ZDHHC19: variants seen among roughly 807,000 people sequenced by gnomAD.
ZDHHC19 encodes palmitoyltransferase ZDHHC19.
In ZDHHC19, 30 loss-of-function variants were observed where a neutral mutation model predicts 33.9. That is an observed-to-expected ratio of 0.88 (90% CI 0.66 to 1.20). ZDHHC19 has a LOEUF of 1.20. ZDHHC19 is among the 50% of genes most tolerant of loss of function. The pLI is 0.00. For synonymous variants in ZDHHC19, 178 were observed against 167.6 expected (o/e 1.06, Z -0.48); for missense variants, 364 against 401.1 (o/e 0.91, Z 0.79).
chr3:196,202,329 G>GAA (rs374440183), intron 5 of ZDHHC19: 3 of 145,946 alleles, frequency 2.1e-5, no homozygotes, highest in African/African-American at 2.5e-5. Flanking sequence ...TCTCAAAAAG[G>GAA]AAAAAAAAAA....
chr3:196,201,813 T>C (rs180742802), intron 5 of ZDHHC19, among the ~76,000 whole-genome samples: 30 of 152,308 alleles, frequency 2.0e-4, no homozygotes, highest in Admixed American at 1.5e-3. Flanking sequence ...GCTCCGATTC[T>C]GTGTCTGAAA....
intron 5 of ZDHHC19, among the ~76,000 whole-genome samples, chr3:196,200,369 T>TA (rs1405033108): frequency 6.9e-6 from 1 of 145,314 alleles, no homozygotes; most frequent in Non-Finnish European, 1.5e-5. Flanking sequence ...ATTTTTTTTT[T>TA]TTTGAGATGG....
At position 196,208,471 on chromosome 3, in the gene ZDHHC19, G is replaced by C; in HGVS notation, c.498C>G (p.Leu166=). The C allele has an allele frequency of 1.2e-6, 2 of 1,614,202 alleles. No individual in the cohort carries two copies. The highest frequency in any genetic ancestry group is 1.7e-6 in the Non-Finnish European group (2 of 1,180,020). ...AGGTGACCAGCATGGCGCCCGAGTA[G>C]AGGCACAGGGACAGGACAAGCAGCA... is the stretch of plus-strand genomic sequence containing the variant. The part of the protein sequence containing the change: ...FFMLLVLSLC[L]YSGAMLVTCL... The change falls in exon 4 of 8, where the codon CTC becomes CTG. Residue 166 remains leucine (L), a synonymous_variant. Coordinates refer to ENST00000296326, the MANE Select transcript of ZDHHC19 (RefSeq NM_001039617.2).
At chr3:196,210,872 G>T in intron 1 of ZDHHC19, 135 bp from the exon 2 acceptor site, 1 of 1,350,822 alleles carries the variant, frequency 7.4e-7, no homozygotes, top group Non-Finnish European at 9.9e-7. Flanking sequence ...TACCCAGGCA[G>T]ACTCATAATG....
At chr3:196,210,291 AAG>A (rs1560142476) in intron 2 of ZDHHC19, among the ~76,000 whole-genome samples, 6 of 148,760 alleles carry the variant, frequency 4.0e-5, no homozygotes, top group African/African-American at 1.0e-4. Context: ...AGAAAGAAGG[AAG>A]GAAGGAAAGA....
intron 1 of ZDHHC19, among the ~76,000 whole-genome samples, chr3:196,210,946 G>A (rs1723252849): frequency 6.6e-6 from 1 of 151,804 alleles, no homozygotes; most frequent in Admixed American, 6.5e-5. Context: ...AGGCACCCTT[G>A]ACCTCTGCGC....
rs1722970567 is a variant in ZDHHC19, at chr3:196,208,549, G to A, written c.420C>T (p.His140=). ...WCNICVEDFD[H]HCKWVNNCIG... ...TGCAGTTATTGACCCACTTGCAGTG[G>A]TGGTCAAAGTCCTGGGCGACAGGGA... The change falls in exon 4 of 8, where the codon CAC becomes CAT. Residue 140 remains histidine, a synonymous_variant. Transcript: ENST00000296326. 1 of 1,613,948 alleles carries A rather than the reference G, an allele frequency of 6.2e-7. No homozygotes were observed. Among genetic ancestry groups the A allele is most frequent in the African/African-American group, 1.3e-5 (1 of 74,942 alleles).
chr3:196,206,242 G>A (rs892119532), intron 5 of ZDHHC19, among the ~76,000 whole-genome samples: 1 of 151,542 alleles, frequency 6.6e-6, no homozygotes, highest in African/African-American at 2.4e-5. Context: ...AGTAGAAACA[G>A]GGTTTCACCT....
chr3:196,202,344 C>T (rs1230311142), intron 5 of ZDHHC19: 2 of 152,184 alleles, frequency 1.3e-5, no homozygotes, highest in Admixed American at 6.6e-5. Flanking sequence ...AAAAAAAGTT[C>T]CAAGGGCTGG....
In ZDHHC19 at chr3:196,209,524, G is replaced by A. The variant is rs1723046232; in HGVS notation, c.269-9C>T. 1.9e-6 allele frequency: 3 copies of A among 1,612,080 alleles called. No individual in the cohort carries two copies. The highest frequency in any genetic ancestry group is 2.5e-6 in the Non-Finnish European group (3 of 1,179,554). ...GCCCTGCTCAGCGGAGCCTGGCGTGGGAAGAGGATTGGGCACAGCAGAAGG... is the reference window on the plus strand; with the variant it reads ...GCCCTGCTCAGCGGAGCCTGGCGTGAGAAGAGGATTGGGCACAGCAGAAGG... On this transcript the variant is annotated splice_polypyrimidine_tract_variant and intron_variant, in intron 2 of 7. Transcript: ENST00000296326.
At chr3:196,200,346 A>G (rs867662323) in intron 5 of ZDHHC19, among the ~76,000 whole-genome samples, 4 of 129,238 alleles carry the variant, frequency 3.1e-5, no homozygotes, top group African/African-American at 8.8e-5. Flanking sequence ...ATATATATGT[A>G]TATATATATA....
intron 2 of ZDHHC19, 65 bp downstream of exon 2, chr3:196,210,551 A>G: frequency 1.2e-6 from 2 of 1,607,774 alleles, no homozygotes; most frequent in Non-Finnish European, 1.7e-6. Flanking sequence ...GCACTTTAGG[A>G]ATCCCCCCTG....
In ZDHHC19 at chr3:196,197,875, G is replaced by A. The variant is rs890864041; in HGVS notation, c.*20-150C>T. 2.5e-5 allele frequency: 4 copies of A among 159,080 alleles called. No individual in the cohort carries two copies. Among genetic ancestry groups the A allele is most frequent in the Admixed American group, 1.3e-4 (2 of 15,444 alleles). The allele number at this position is 159,080 out of a possible 1,614,324, so 9.9% of individuals were successfully genotyped here. On this transcript the variant is annotated intron_variant, in intron 7 of 7. Transcript: ENST00000296326. This position sits in a 1 kb window ranked among gnomAD's most constrained non-coding sequence, Gnocchi z 4.4. ...GGGCGCAGGGGTTGCCCAGCCCCAC[G>A]GTGGCCTCCTGATGCTCCACCTCCA... is the stretch of plus-strand genomic sequence containing the variant.
chr3:196,209,533 T>C lies in ZDHHC19; in HGVS notation c.269-18A>G, dbSNP rs767351223. On this transcript the variant is annotated intron_variant, in intron 2 of 7. Transcript: ENST00000296326. The stretch of plus-strand genomic sequence containing the variant: ...AGCGGAGCCTGGCGTGGGAAGAGGA[T>C]TGGGCACAGCAGAAGGCCCTGCGGT... 8 of 1,611,208 alleles carry C rather than the reference T, an allele frequency of 5.0e-6. No homozygotes were observed. Among genetic ancestry groups the C allele is most frequent in the Non-Finnish European group, 5.9e-6 (7 of 1,179,242 alleles).
rs1560140633 is a variant in ZDHHC19, at chr3:196,209,161, A to G, written c.408+215T>C. 1.1e-5 allele frequency: 7 copies of G among 633,382 alleles called. No homozygotes were observed. The East Asian group carries it at 1.8e-4, about 16-fold the overall frequency. The allele number at this position is 633,382 out of a possible 1,614,324, so 39.2% of individuals were successfully genotyped here. ...CAGGACAGATGCGGATGCCCTGTGC[A>G]TGTCAGCACCTCTGCAGGCAACGGC... On this transcript the variant is annotated intron_variant, in intron 3 of 7. Coordinates refer to ENST00000296326, the MANE Select transcript of ZDHHC19 (RefSeq NM_001039617.2).
In ZDHHC19 at chr3:196,208,579, G is replaced by A. The variant is rs1722973976; in HGVS notation, c.409-19C>T. 6.2e-7 allele frequency: 1 copy of A among 1,612,342 alleles called. No individual in the cohort carries two copies. The highest frequency in any genetic ancestry group is 1.3e-5 in the African/African-American group (1 of 74,910). On this transcript the variant is annotated intron_variant, in intron 3 of 7. Transcript: ENST00000296326. Reference sequence around the variant, plus strand: ...CAAAGTCCTGGGCGACAGGGAGAGGGGCCAGGCTTGAGGACTTCTCCTCTG... The same window carrying A: ...CAAAGTCCTGGGCGACAGGGAGAGGAGCCAGGCTTGAGGACTTCTCCTCTG...
chr3:196,210,586 C>T (rs1723211677), intron 2 of ZDHHC19, 30 bp downstream of exon 2: 3 of 1,613,594 alleles, frequency 1.9e-6, no homozygotes, highest in Non-Finnish European at 2.5e-6. Flanking sequence ...TTGAGTGACA[C>T]CTCCTTTTCC....
At position 196,208,253 on chromosome 3, in the gene ZDHHC19, G is replaced by A. The variant is rs12494866; in HGVS notation, c.581+135C>T. 198,871 of 248,936 alleles carry A rather than the reference G, an allele frequency of 0.8. 77,110 individuals carry two copies. Among genetic ancestry groups the A allele is most frequent in the Admixed American group, 0.86 (14,604 of 17,012 alleles). The allele number at this position is 248,936 out of a possible 1,614,324, so 15.4% of individuals were successfully genotyped here. ...CTAGCCCCGCCCATCCCCCGACCCC[G>A]CCCACCTCACCTCGTCCCAGACTGG... On this transcript the variant is annotated intron_variant, in intron 4 of 7. Coordinates refer to ENST00000296326, the MANE Select transcript of ZDHHC19 (RefSeq NM_001039617.2).
intron 5 of ZDHHC19, among the ~76,000 whole-genome samples, chr3:196,201,351 C>A (rs1326951733): frequency 6.6e-6 from 1 of 150,820 alleles, no homozygotes; most frequent in African/African-American, 2.4e-5. Context: ...CAGCCGTGAG[C>A]CACCGCACCG....
Sources: allele counts gnomAD v4.1 joint callset (sites outside exome capture counted in the v4.1 genomes callset), GRCh38; gene constraint gnomAD v4.1.1; non-coding constraint Gnocchi (gnomAD v3.1); transcripts MANE v1.5; gene names NCBI Gene and HGNC (gene_info 2026-07-23, HGNC 2026-07-21).